Variants in DLGAP1 observed in about 807,000 individuals in gnomAD.
DLGAP1 encodes DLG associated protein 1, also known as disks large-associated protein 1.
A neutral mutation model predicts 90.8 loss-of-function variants in DLGAP1; 11 were observed. That is an observed-to-expected ratio of 0.12 (90% CI 0.08 to 0.20). The LOEUF (loss-of-function observed/expected upper bound fraction) is 0.20. Among genes scored for constraint, DLGAP1 ranks in the 10% least tolerant of loss-of-function variants. The pLI is 1.00. For synonymous variants in DLGAP1, 558 were observed against 540.7 expected (o/e 1.03, Z -0.44); for missense variants, 1,050 against 1,333.8 (o/e 0.79, Z 3.31).
intron 7 of DLGAP1, among the ~76,000 whole-genome samples, chr18:3,724,699 T>G (rs558022417): frequency 2.0e-5 from 3 of 152,180 alleles, no homozygotes; most frequent in African/African-American, 7.2e-5. Context: ...ATTGCACCAT[T>G]GCACTCCAGC....
chr18:3,992,028 C>T (rs952876739), intron 3 of DLGAP1, among the ~76,000 whole-genome samples: 1 of 152,104 alleles, frequency 6.6e-6, no homozygotes, highest in Non-Finnish European at 1.5e-5. Flanking sequence ...TCACATAGTT[C>T]CACAATAAAC....
intron 7 of DLGAP1, among the ~76,000 whole-genome samples, chr18:3,621,738 G>A (rs2058101697): frequency 6.6e-6 from 1 of 152,188 alleles, no homozygotes; most frequent in African/African-American, 2.4e-5. Flanking sequence ...AGCATTCTTT[G>A]CTTAACTAAA....
intron 2 of DLGAP1, among the ~76,000 whole-genome samples, chr18:4,108,216 C>A (rs1479715686): frequency 3.3e-5 from 5 of 152,148 alleles, no homozygotes; most frequent in Non-Finnish European, 1.5e-5. Flanking sequence ...AACCCTCATA[C>A]CCTGAAGAAA....
intron 2 of DLGAP1, among the ~76,000 whole-genome samples, chr18:4,017,822 C>G (rs1340353139): frequency 6.6e-6 from 1 of 152,028 alleles, no homozygotes; most frequent in Non-Finnish European, 1.5e-5. Context: ...AAACAATCTA[C>G]CAGTAAGTCT....
intron 1 of DLGAP1, among the ~76,000 whole-genome samples, chr18:4,343,661 C>T (rs629374): frequency 0.3 from 45,287 of 151,192 alleles, 7,517 homozygotes; most frequent in Non-Finnish European, 0.37. Flanking sequence ...GGGTCGGGGG[C>T]TAGGGGAGGG....
intron 1 of DLGAP1, among the ~76,000 whole-genome samples, chr18:4,371,035 A>G (rs1212066595): frequency 6.6e-6 from 1 of 152,202 alleles, no homozygotes; most frequent in Non-Finnish European, 1.5e-5. Context: ...CAAAGTCAAT[A>G]ACAAAACAAA....
chr18:3,979,190 A>T (rs529528850), intron 3 of DLGAP1, among the ~76,000 whole-genome samples: 58 of 152,300 alleles, frequency 3.8e-4, no homozygotes, highest in African/African-American at 1.3e-3. Flanking sequence ...CACAGACTGC[A>T]TTGCATGTAC....
rs1393919640 is a variant in DLGAP1 at position 3,564,036 on chromosome 18, G to A, written c.2057+3454C>T. Among the ~76,000 whole-genome samples, 9 of 152,076 alleles carry A rather than the reference G, an allele frequency of 5.9e-5. 1 individual carries two copies. The highest frequency in any genetic ancestry group is 4.2e-4 in the South Asian group (2 of 4,814). ...CATAATTAGAAAAAAATCTTGGCCC[G>A]GTAATTCCAACATTCCTGCCATATT... is the stretch of plus-strand genomic sequence containing the variant. On this transcript the variant is annotated intron_variant, in intron 9 of 12. Coordinates refer to ENST00000315677, the MANE Select transcript of DLGAP1 (RefSeq NM_004746.4).
chr18:3,942,963 A>AT (rs1217885063), intron 3 of DLGAP1, among the ~76,000 whole-genome samples: 2 of 144,832 alleles, frequency 1.4e-5, no homozygotes, highest in Non-Finnish European at 3.0e-5. Context: ...AACCAGCAAC[A>AT]TTTTTGTTTT....
chr18:3,895,280 TACACACACACACAC>T (rs35493688), intron 3 of DLGAP1, among the ~76,000 whole-genome samples: 73 of 137,366 alleles, frequency 5.3e-4, no homozygotes, highest in Admixed American at 1.5e-3. Flanking sequence ...GGATGTTTAT[TACACACACACACAC>T]ACACACACAC....
At chr18:4,434,601 G>A (rs1038919529) in intron 1 of DLGAP1, among the ~76,000 whole-genome samples, 2 of 152,114 alleles carry the variant, frequency 1.3e-5, no homozygotes, top group African/African-American at 4.8e-5. Flanking sequence ...CAACTCCTCT[G>A]GAGGAGGAAT....
chr18:4,400,155 C>T (rs9958632), intron 1 of DLGAP1, among the ~76,000 whole-genome samples: 14,230 of 152,064 alleles, frequency 0.094, 1,195 homozygotes, highest in African/African-American at 0.23. Context: ...CATCCACCTG[C>T]AGCACGCCCC....
intron 2 of DLGAP1, among the ~76,000 whole-genome samples, chr18:4,137,911 ATTGT>A (rs2076432874): frequency 6.6e-6 from 1 of 151,944 alleles, no homozygotes; most frequent in African/African-American, 2.4e-5. Context: ...TCTTTTTCAG[ATTGT>A]TTGCTGTTGG....
intron 1 of DLGAP1, among the ~76,000 whole-genome samples, chr18:4,423,234 A>G (rs570301163): frequency 7.0e-4 from 107 of 152,294 alleles, no homozygotes; most frequent in Non-Finnish European, 1.4e-3. Context: ...TAATCAAAAA[A>G]TGTCCTGTTA....
At chr18:4,289,821 A>AT (rs1352867648) in intron 1 of DLGAP1, among the ~76,000 whole-genome samples, 1 of 152,134 alleles carries the variant, frequency 6.6e-6, no homozygotes, top group Non-Finnish European at 1.5e-5. Flanking sequence ...AATTGTACTT[A>AT]TTTTGAAACC....
chr18:4,058,530 C>G (rs1225102392), intron 2 of DLGAP1, among the ~76,000 whole-genome samples: 1 of 152,142 alleles, frequency 6.6e-6, no homozygotes, highest in Non-Finnish European at 1.5e-5. Context: ...TGCCTACTTG[C>G]TTTTTTTGAA....
rs965877037 is a variant in DLGAP1, at chr18:3,540,586, A to G, written c.2058-5971T>C. ...ATCATGCATGGGAGGGCGCAGGCAT[A>G]AGCATCCCTTGTGCAAAAATTCAGG... On this transcript the variant is annotated intron_variant, in intron 9 of 12. Coordinates refer to ENST00000315677, the MANE Select transcript of DLGAP1 (RefSeq NM_004746.4). Among the ~76,000 whole-genome samples, 54 of 152,048 alleles carry G rather than the reference A, an allele frequency of 3.6e-4. 3 individuals are homozygous for G. Among genetic ancestry groups the G allele is most frequent in the Non-Finnish European group, 1.5e-5 (1 of 68,006 alleles).
intron 1 of DLGAP1, chr18:4,295,396 G>C (rs1340653801): frequency 6.6e-6 from 1 of 152,176 alleles, no homozygotes; most frequent in Non-Finnish European, 1.5e-5. Context: ...CAATAAAATG[G>C]TTGAGTTGCA....
chr18:3,982,926 C>T (rs1446108049), intron 3 of DLGAP1, among the ~76,000 whole-genome samples: 2 of 152,054 alleles, frequency 1.3e-5, no homozygotes, highest in African/African-American at 4.8e-5. Context: ...TCTATAATTA[C>T]TAAAACCTTC....
Sources: gnomAD v4.1 joint callset for allele counts (sites outside exome capture counted in the v4.1 genomes callset) on GRCh38, gnomAD v4.1.1 for gene constraint, MANE v1.5 for transcripts, NCBI Gene and HGNC (gene_info 2026-07-23, HGNC 2026-07-21) for gene names.